The following CCDC3 variants were observed in gnomAD, a reference collection of about 807,000 sequenced individuals.
CCDC3 encodes coiled-coil domain-containing protein 3.
Under a neutral mutation model 21.4 loss-of-function variants are expected in CCDC3, and 24 were observed. The ratio of observed to expected loss-of-function variants is 1.12; its 90% CI spans 0.81 to 1.58. The LOEUF is 1.58. CCDC3 is among the 40% of genes most tolerant of loss of function. The pLI is 0.00. For missense variants in CCDC3, 425 were observed against 360.9 expected (o/e 1.18, Z -1.44); for synonymous variants, 186 against 166.0 (o/e 1.12, Z -0.93).
At chr10:13,086,457 G>A (rs990422494) in intron 3 of CCDC3, among the ~76,000 whole-genome samples, 1 of 152,106 alleles carries the variant, frequency 6.6e-6, no homozygotes, top group Non-Finnish European at 1.5e-5. Context: ...CTCTGCAAAA[G>A]GTTTCTTTCT....
chr10:12,904,847 C>T (rs1834146649), intron 2 of CCDC3, among the ~76,000 whole-genome samples: 1 of 152,084 alleles, frequency 6.6e-6, no homozygotes, highest in Non-Finnish European at 1.5e-5. Flanking sequence ...TGGCAAGAAG[C>T]ATTTATTGTG....
chr10:12,935,535 TTCC>T (rs1272629127), intron 2 of CCDC3, among the ~76,000 whole-genome samples: 3 of 152,222 alleles, frequency 2.0e-5, no homozygotes, highest in African/African-American at 7.2e-5. Context: ...TATTTTTTAC[TTCC>T]TCCTGTGGTT....
chr10:13,078,575 G>A (rs192984043), intron 3 of CCDC3, among the ~76,000 whole-genome samples: 112 of 152,218 alleles, frequency 7.4e-4, no homozygotes, highest in Middle Eastern at 3.4e-3. Flanking sequence ...GTTTATTGCG[G>A]CACTATTCAC....
intron 5 of CCDC3, among the ~76,000 whole-genome samples, chr10:13,008,997 T>C (rs1835955448): frequency 6.6e-6 from 1 of 152,196 alleles, no homozygotes; most frequent in Non-Finnish European, 1.5e-5. Context: ...AAATTCTATT[T>C]ACCCATGACA....
intron 4 of CCDC3, chr10:13,058,155 G>A (rs942393358): frequency 2.9e-5 from 27 of 946,006 alleles, no homozygotes; most frequent in African/African-American, 1.4e-4. Flanking sequence ...TTGGTATTGC[G>A]AGGGATAGAC....
chr10:13,070,090 T>C (rs1836864906), intron 4 of CCDC3, among the ~76,000 whole-genome samples: 1 of 132,290 alleles, frequency 7.6e-6, no homozygotes, highest in South Asian at 2.5e-4. Context: ...TCTAAACTAA[T>C]ACAAAACTGA....
intron 2 of CCDC3, among the ~76,000 whole-genome samples, chr10:12,966,697 C>T (rs950558956): frequency 1.6e-4 from 24 of 152,310 alleles, no homozygotes; most frequent in African/African-American, 4.8e-4. Flanking sequence ...CCTACAGATA[C>T]AAGCCACACT....
chr10:13,035,146 C>T (rs1836362587), intron 5 of CCDC3, among the ~76,000 whole-genome samples: 1 of 152,154 alleles, frequency 6.6e-6, no homozygotes, highest in South Asian at 2.1e-4. Context: ...ACACTGATCT[C>T]TCTGCATTTC....
chr10:13,000,887 G>A (rs1835838836), intron 1 of CCDC3, among the ~76,000 whole-genome samples: 1 of 152,208 alleles, frequency 6.6e-6, no homozygotes, highest in South Asian at 2.1e-4. Flanking sequence ...ACTGAGGCCA[G>A]TTTAAAAACC....
chr10:12,956,532 G>A (rs1835088609), intron 2 of CCDC3, among the ~76,000 whole-genome samples: 1 of 152,184 alleles, frequency 6.6e-6, no homozygotes. Flanking sequence ...ATCTCCAGGG[G>A]ATGAAGCTTA....
intron 5 of CCDC3, among the ~76,000 whole-genome samples, chr10:13,025,238 G>A (rs1183494979): frequency 2.0e-5 from 3 of 152,168 alleles, no homozygotes; most frequent in Admixed American, 2.0e-4. Context: ...TGGCGAAGGG[G>A]CTTCAGTTCT....
At chr10:12,981,767 C>G (rs1835500865) in intron 2 of CCDC3, among the ~76,000 whole-genome samples, 1 of 151,996 alleles carries the variant, frequency 6.6e-6, no homozygotes, top group Non-Finnish European at 1.5e-5. Context: ...AATTCCATCC[C>G]CTATGAGTTA....
At chr10:12,965,427 T>C (rs2668904) in intron 2 of CCDC3, among the ~76,000 whole-genome samples, 7 of 152,210 alleles carry the variant, frequency 4.6e-5, no homozygotes, top group African/African-American at 1.7e-4. Flanking sequence ...TTATATGTAC[T>C]TATACTGTCA....
In CCDC3 at chr10:12,998,433, T is replaced by C. The variant is rs1188063899; in HGVS notation, c.454A>G (p.Arg152Gly). Residue 152 changes from arginine to glycine, a missense_variant, in exon 2 of 3, where the codon AGG becomes GGG. Transcript: ENST00000378825. ...AIFPDTQENRRMFSSLFQFSN... is the reference protein window; with the variant it reads ...AIFPDTQENRGMFSSLFQFSN... ...AACTGGAAAAGGCTAGAAAACATCC[T>C]TCTGTTCTCTTGAGTGTCTGGGAAG... 1 of 1,614,218 alleles carries C rather than the reference T, an allele frequency of 6.2e-7. No individual in the cohort carries two copies. Among genetic ancestry groups the C allele is most frequent in the Admixed American group, 1.7e-5 (1 of 60,022 alleles).
intron 2 of CCDC3, among the ~76,000 whole-genome samples, chr10:12,939,339 T>A (rs766029594): frequency 2.0e-5 from 3 of 152,230 alleles, no homozygotes; most frequent in African/African-American, 4.8e-5. Context: ...TTATAATAAC[T>A]GTTAGTAGAG....
intron 2 of CCDC3, among the ~76,000 whole-genome samples, chr10:12,937,218 G>GT (rs1346703226): frequency 3.3e-5 from 5 of 152,030 alleles, no homozygotes; most frequent in African/African-American, 1.2e-4. Flanking sequence ...TTTTGCTCGG[G>GT]TAAGTTGTGA....
At chr10:12,973,040 T>C (rs1184145873) in intron 2 of CCDC3, among the ~76,000 whole-genome samples, 1 of 152,084 alleles carries the variant, frequency 6.6e-6, no homozygotes, top group Non-Finnish European at 1.5e-5. Context: ...TTTGAAACTG[T>C]TGTAAGGAAT....
chr10:13,043,395 C>A (rs181211960), intron 5 of CCDC3, among the ~76,000 whole-genome samples: 73 of 152,186 alleles, frequency 4.8e-4, no homozygotes, highest in African/African-American at 1.7e-3. Flanking sequence ...GAGTTTGAGA[C>A]CAGCCTGACC....
At chr10:13,001,717 C>T (rs1447704534), upstream of CCDC3, 1 of 438,142 alleles carries the variant, frequency 2.3e-6, no homozygotes, top group African/African-American at 2.1e-5. Flanking sequence ...TCGGCATGCC[C>T]GGCCCTGGCG....
Sources: allele counts gnomAD v4.1 joint callset (sites outside exome capture counted in the v4.1 genomes callset), GRCh38; gene constraint gnomAD v4.1.1; transcripts MANE v1.5; gene names NCBI Gene and HGNC (gene_info 2026-07-23, HGNC 2026-07-21).